Variants in SLC2A11 observed in about 807,000 individuals in gnomAD.
SLC2A11 encodes solute carrier family 2 member 11.
Under a neutral mutation model 52.1 loss-of-function variants are expected in SLC2A11, and 43 were observed. The observed-to-expected ratio is 0.82, with a 90% CI of 0.65 to 1.06. The LOEUF (loss-of-function observed/expected upper bound fraction) is 1.06. SLC2A11 is among the 50% of genes least tolerant of loss of function. The pLI is 0.00. For synonymous variants in SLC2A11, 261 were observed against 277.6 expected (o/e 0.94, Z 0.59); for missense variants, 582 against 654.2 (o/e 0.89, Z 1.20).
At chr22:23,883,676 C>A in intron 8 of SLC2A11, 96 bp from the exon 9 acceptor site, 1 of 1,019,172 alleles carries the variant, frequency 9.8e-7, no homozygotes, top group Non-Finnish European at 1.4e-6. Flanking sequence ...CCCTCACCTC[C>A]ACCACCAGCT....
At position 23,875,121 on chromosome 22, in the gene SLC2A11, A is replaced by G; in HGVS notation, c.295A>G (p.Lys99Glu). ...GTGTGTTTCACTTCCCCCAAGGAAG[A>G]AGTCCCTCCTGGTGAATAACATCTT... ...GPLAITLGRK[K>E]SLLVNNIFVV... is the part of the protein sequence containing the mutation. Residue 99 changes from lysine to glutamate, a missense_variant, in exon 4 of 12, where the codon AAG becomes GAG. Physicochemically the swap from Lys to Glu is moderately conservative, Grantham distance 56 (BLOSUM62 1). Transcript: ENST00000316185. The G allele has an allele frequency of 1.3e-6, 2 of 1,579,368 alleles. No homozygotes were observed. The highest frequency in any genetic ancestry group is 1.7e-6 in the Non-Finnish European group (2 of 1,162,656).
chr22:23,864,344 A>G (rs1212064707), intron 2 of SLC2A11, among the ~76,000 whole-genome samples: 1 of 152,124 alleles, frequency 6.6e-6, no homozygotes, highest in Non-Finnish European at 1.5e-5. Context: ...TTTCTGAGAC[A>G]GAGTTTTGCT....
chr22:23,857,381 C>T (rs1055848589), upstream of SLC2A11: 2 of 1,552,818 alleles, frequency 1.3e-6, no homozygotes, highest in Admixed American at 1.9e-5. Flanking sequence ...AGGGGCTTGG[C>T]CGAGATGACC....
Position 23,884,281 on chromosome 22 carries a change from T to C in SLC2A11, c.1172-21T>C. On this transcript the variant is annotated intron_variant, in intron 10 of 11. Transcript: ENST00000316185. The surrounding 1 kb of genome is among the most constrained non-coding windows in gnomAD (Gnocchi z 4.3). ...CAGGGAACCCTGGCCAGCAGCCCCC[T>C]GTCCCTGCCCCTCCTTCTAGCCGGA... 1 of 1,606,904 alleles carries C rather than the reference T, an allele frequency of 6.2e-7. No homozygotes were observed. Among genetic ancestry groups the C allele is most frequent in the South Asian group, 1.1e-5 (1 of 90,262 alleles).
chr22:23,880,914 A>C (rs916497025), intron 6 of SLC2A11: 1 of 152,182 alleles, frequency 6.6e-6, no homozygotes, highest in Admixed American at 6.5e-5. Context: ...TTCTTTGCTC[A>C]AGTCCATAAG....
Position 23,875,545 on chromosome 22 carries a change from G to A in SLC2A11, c.415+304G>A, listed in dbSNP as rs1024357085. On this transcript the variant is annotated intron_variant, in intron 4 of 11. Transcript: ENST00000316185. ...AACACTCTAAGCCATGAGCTTCCTG[G>A]TAGCCAACGTGTAAAGGGATATAGG... Among the ~76,000 whole-genome samples the A allele has an allele frequency of 3.3e-5, 5 of 152,120 alleles. No individual in the cohort carries two copies. In the South Asian group the frequency reaches 1.0e-3, roughly 32 times the overall value.
chr22:23,863,754 A>T lies in SLC2A11; in HGVS notation c.129+1552A>T, dbSNP rs148799225. On this transcript the variant is annotated intron_variant, in intron 2 of 11. Transcript: ENST00000316185. ...GCGATCCTCCTACCTCAGCCTCCCA[A>T]ATAATTGGGACCACAGGCATGTACA... Among the ~76,000 whole-genome samples the T allele has an allele frequency of 6.6e-3, 996 of 151,834 alleles. 11 individuals are homozygous for T. Among genetic ancestry groups the T allele is most frequent in the African/African-American group, 0.023 (958 of 41,406 alleles).
chr22:23,862,063 G>A, intron 1 of SLC2A11, 41 bp from the exon 2 acceptor site: 1 of 1,539,696 alleles, frequency 6.5e-7, no homozygotes, highest in Non-Finnish European at 9.0e-7. Flanking sequence ...AGGGGGTGGA[G>A]GCTGTTGTTG....
At chr22:23,880,134 C>T (rs1404501585) in intron 6 of SLC2A11, among the ~76,000 whole-genome samples, 2 of 151,606 alleles carry the variant, frequency 1.3e-5, no homozygotes, top group East Asian at 1.9e-4. Context: ...ATTGCTTGAA[C>T]CCGAGAGGCG....
Position 23,884,745 on chromosome 22 carries a change from A to G in SLC2A11, c.1396A>G (p.Thr466Ala). 6.2e-7 allele frequency: 1 copy of G among 1,614,064 alleles called. No individual in the cohort carries two copies. The highest frequency in any genetic ancestry group is 1.1e-5 in the South Asian group (1 of 91,068). ...GLFLPETKGK[T>A]FQEISKELHR... ...GTTCCTTCCTGAGACCAAAGGCAAG[A>G]CCTTCCAAGAGATCTCCAAGGAATT... Residue 466 changes from threonine to alanine, a missense_variant, in exon 12 of 12, where the codon ACC (threonine) becomes GCC (alanine). Transcript: ENST00000316185. This position sits in a 1 kb window ranked among gnomAD's most constrained non-coding sequence, Gnocchi z 4.3.
intron 3 of SLC2A11, chr22:23,872,218 A>G (rs2032480030): frequency 1.3e-5 from 2 of 152,184 alleles, no homozygotes; most frequent in South Asian, 2.1e-4. Context: ...CGTGGCACAC[A>G]CCTATGGTCC....
rs565121351 is a variant in SLC2A11, at chr22:23,882,464, C to T, written c.700C>T (p.Arg234Trp). 403 of 1,538,998 alleles carry T rather than the reference C, an allele frequency of 2.6e-4. No individual in the cohort carries two copies. The highest frequency in any genetic ancestry group is 1.5e-3 in the Middle Eastern group (7 of 4,700). The change falls in exon 7 of 12, where the codon CGG (arginine) becomes TGG (tryptophan). Residue 234 changes from arginine to tryptophan, a missense_variant. Transcript: ENST00000316185. ...GDTEACLAAL[R>W]RLRGSGDLAG... Reference sequence around the variant, plus strand: ...TACCCTCCTCCCTGGCTCAGCACTACGGCGGCTCCGGGGCTCCGGGGACTT... The same window carrying T: ...TACCCTCCTCCCTGGCTCAGCACTATGGCGGCTCCGGGGCTCCGGGGACTT...
chr22:23,874,347 C>T (rs1358646533), intron 3 of SLC2A11, among the ~76,000 whole-genome samples: 4 of 152,116 alleles, frequency 2.6e-5, no homozygotes, highest in South Asian at 2.1e-4. Context: ...AGTGCAGTGG[C>T]GTGATCATGG....
chr22:23,884,391 A>T lies in SLC2A11; in HGVS notation c.1261A>T (p.Met421Leu), dbSNP rs778889925. ...GGTCTGCGGGGCGCTCATGTGGATC[A>T]TGCTCATCCTGGTCGGCCTGGGATT... ...CMVCGALMWIMLILVGLGFPF... is the reference protein window; with the variant it reads ...CMVCGALMWILLILVGLGFPF... Residue 421 changes from methionine (M) to leucine (L), a missense_variant, in exon 11 of 12, where the codon ATG becomes TTG. Met to Leu is a conservative substitution (Grantham distance 15). Coordinates refer to ENST00000316185, the MANE Select transcript of SLC2A11 (RefSeq NM_001024939.4). The surrounding 1 kb of genome is among the most constrained non-coding windows in gnomAD (Gnocchi z 4.3). The T allele has an allele frequency of 1.5e-5, 24 of 1,613,860 alleles. No homozygotes were observed. The highest frequency in any genetic ancestry group is 6.7e-5 in the African/African-American group (5 of 74,920).
chr22:23,877,609 G>A, intron 5 of SLC2A11, 112 bp from the exon 6 acceptor site: 1 of 1,349,840 alleles, frequency 7.4e-7, no homozygotes, highest in Non-Finnish European at 1.0e-6. Context: ...ATAGGAAGAG[G>A]CACGGGGCAA....
chr22:23,857,073 T>TGTGG (rs1166739714), upstream of SLC2A11: 10 of 409,774 alleles, frequency 2.4e-5, no homozygotes, highest in African/African-American at 1.1e-4. Context: ...TGTGTGTGTG[T>TGTGG]GGGGGGGGGG....
In SLC2A11 at chr22:23,884,564, A is replaced by C; in HGVS notation, c.1300-85A>C. The C allele has an allele frequency of 6.5e-7, 1 of 1,540,596 alleles. No homozygotes were observed. On this transcript the variant is annotated intron_variant, in intron 11 of 11. Transcript: ENST00000316185. This position sits in a 1 kb window ranked among gnomAD's most constrained non-coding sequence, Gnocchi z 4.3. ...TCTTAGGGGAGCAAAGAGGGGGGCA[A>C]ATGCCTCCTCACGACCTGTCATGGG...
rs192066313 is a variant in SLC2A11, at chr22:23,859,165, T to C, written c.30+1136T>C. Among the ~76,000 whole-genome samples, 88 of 152,326 alleles carry C rather than the reference T, an allele frequency of 5.8e-4. 1 individual carries two copies. The South Asian group carries it at 9.5e-3, about 16-fold the overall frequency. On this transcript the variant is annotated intron_variant, in intron 1 of 11. Transcript: ENST00000316185. ...TTCACATCTGCTGTCTTAAGGGAGC[T>C]CTCACTTCCATGCGGCCCCCGTGGA...
In SLC2A11 at chr22:23,884,272, G is replaced by A. The variant is rs1315450511; in HGVS notation, c.1172-30G>A. 1.9e-6 allele frequency: 3 copies of A among 1,597,786 alleles called. No individual in the cohort carries two copies. The highest frequency in any genetic ancestry group is 2.2e-5 in the East Asian group (1 of 44,580). On this transcript the variant is annotated intron_variant, in intron 10 of 11. Coordinates refer to ENST00000316185, the MANE Select transcript of SLC2A11 (RefSeq NM_001024939.4). The surrounding 1 kb of genome is among the most constrained non-coding windows in gnomAD (Gnocchi z 4.3). The stretch of plus-strand genomic sequence containing the variant: ...AGAGGCAGGCAGGGAACCCTGGCCA[G>A]CAGCCCCCTGTCCCTGCCCCTCCTT...
Sources: gnomAD v4.1 joint callset for allele counts (sites outside exome capture counted in the v4.1 genomes callset) on GRCh38, gnomAD v4.1.1 for gene constraint, Gnocchi (gnomAD v3.1) non-coding constraint, MANE v1.5 for transcripts, NCBI Gene and HGNC (gene_info 2026-07-23, HGNC 2026-07-21) for gene names.